Variants in SYT14 observed in about 807,000 individuals in gnomAD.
The protein encoded by SYT14 is synaptotagmin-14.
Under a neutral mutation model 74.2 loss-of-function variants are expected in SYT14, and 32 were observed. The observed-to-expected ratio is 0.43, with a 90% CI of 0.33 to 0.58. The LOEUF is 0.58. Among genes scored for constraint, SYT14 ranks in the 20% least tolerant of loss-of-function variants. SYT14 has a pLI of 0.05. For synonymous variants in SYT14, 298 were observed against 337.7 expected, an observed-to-expected ratio of 0.88 and a Z score of 1.29; for missense variants, 791 against 981.8, an observed-to-expected ratio of 0.81 and a Z score of 2.60.
At chr1:210,078,998 GC>G (rs1420461829) in intron 5 of SYT14, among the ~76,000 whole-genome samples, 4 of 151,918 alleles carry the variant, frequency 2.6e-5, no homozygotes, top group Non-Finnish European at 5.9e-5. Context: ...CAAGCGATCA[GC>G]CCGTCCTGGC....
chr1:209,957,271 A>G (rs752997443), intron 2 of SYT14, among the ~76,000 whole-genome samples: 2 of 151,796 alleles, frequency 1.3e-5, no homozygotes, highest in Non-Finnish European at 2.9e-5. Flanking sequence ...TCCTTTGTTT[A>G]CACCAAAGCC....
chr1:210,079,894 C>T (rs1333507878), intron 5 of SYT14, among the ~76,000 whole-genome samples: 2 of 152,190 alleles, frequency 1.3e-5, no homozygotes. Flanking sequence ...TTTGGACAAT[C>T]TTCCTTTCAA....
At chr1:210,029,790 T>C (rs896845308) in intron 5 of SYT14, among the ~76,000 whole-genome samples, 1 of 152,186 alleles carries the variant, frequency 6.6e-6, no homozygotes, top group Non-Finnish European at 1.5e-5. Context: ...AGAAATGTCA[T>C]TGGAATTTTG....
At chr1:210,165,152 G>A (rs1471101401) in exon 10 of SYT14, 1 of 152,114 alleles carries the variant, frequency 6.6e-6, no homozygotes, top group Non-Finnish European at 1.5e-5. Flanking sequence ...TAAGTAAGTA[G>A]TAGAACTGGG....
intron 2 of SYT14, among the ~76,000 whole-genome samples, chr1:209,998,532 A>G (rs936928629): frequency 7.2e-5 from 11 of 152,152 alleles, no homozygotes; most frequent in Non-Finnish European, 1.3e-4. Flanking sequence ...TGGAAGCAGC[A>G]TACTATCTGA....
intron 2 of SYT14, among the ~76,000 whole-genome samples, chr1:209,995,117 T>C (rs1268766710): frequency 3.3e-5 from 5 of 152,148 alleles, no homozygotes; most frequent in Non-Finnish European, 4.4e-5. Context: ...AACAAGATGA[T>C]GACAAGATGA....
chr1:210,118,044 CTATTT>C, intron 7 of SYT14, among the ~76,000 whole-genome samples: 1 of 152,222 alleles, frequency 6.6e-6, no homozygotes, highest in South Asian at 2.1e-4. Flanking sequence ...CTTTGCTGCT[CTATTT>C]TATTTTAAGC....
intron 7 of SYT14, among the ~76,000 whole-genome samples, chr1:210,131,129 C>T (rs1558210393): frequency 6.6e-6 from 1 of 152,142 alleles, no homozygotes; most frequent in Non-Finnish European, 1.5e-5. Flanking sequence ...AAGTGGTTAG[C>T]ACAGTTCCTG....
intron 5 of SYT14, among the ~76,000 whole-genome samples, chr1:210,032,447 A>G (rs2080560343): frequency 6.6e-6 from 1 of 152,030 alleles, no homozygotes; most frequent in African/African-American, 2.4e-5. Flanking sequence ...CTCTCTTGCC[A>G]GTAGAAAGAT....
rs563988175 is a variant in SYT14 at position 210,018,062 on chromosome 1, G to A, written c.1096+963G>A. Among the ~76,000 whole-genome samples the A allele has an allele frequency of 2.0e-5, 3 of 152,334 alleles. No individual in the cohort carries two copies. In the South Asian group the frequency reaches 6.2e-4, roughly 32 times the overall value. On this transcript the variant is annotated intron_variant, in intron 4 of 9. Coordinates refer to ENST00000637265, the Ensembl canonical transcript of SYT14. ...AGTGATATAGGAGAGGCTAATCCAG[G>A]ATGGATGAACTAACTTAAAAGAAAT...
chr1:210,089,782 G>C (rs1465868870), intron 5 of SYT14, among the ~76,000 whole-genome samples: 3 of 152,140 alleles, frequency 2.0e-5, no homozygotes, highest in Non-Finnish European at 2.9e-5. Flanking sequence ...TTTGAACAAA[G>C]AATTGGACAA....
intron 7 of SYT14, among the ~76,000 whole-genome samples, chr1:210,116,694 A>G (rs1357774929): frequency 6.6e-6 from 1 of 152,168 alleles, no homozygotes; most frequent in Non-Finnish European, 1.5e-5. Flanking sequence ...CACTTGGAGA[A>G]GAGAGACTGT....
At chr1:210,140,772 T>G (rs2082898396) in intron 7 of SYT14, among the ~76,000 whole-genome samples, 1 of 152,168 alleles carries the variant, frequency 6.6e-6, no homozygotes, top group Non-Finnish European at 1.5e-5. Flanking sequence ...TTTCATTTAT[T>G]TGTGTTGGCA....
chr1:210,120,365 G>GTTTT (rs371047537), intron 7 of SYT14, among the ~76,000 whole-genome samples: 3 of 131,706 alleles, frequency 2.3e-5, no homozygotes, highest in African/African-American at 6.2e-5. Flanking sequence ...TGTTTTTGCT[G>GTTTT]TTTTTTTTTT....
intron 5 of SYT14, among the ~76,000 whole-genome samples, chr1:210,066,676 G>C (rs2081302047): frequency 6.6e-6 from 1 of 152,072 alleles, no homozygotes; most frequent in African/African-American, 2.4e-5. Flanking sequence ...TCTGTAGGTT[G>C]CCTGTTCACT....
chr1:210,056,449 C>T (rs922584216), intron 5 of SYT14, among the ~76,000 whole-genome samples: 9 of 151,954 alleles, frequency 5.9e-5, no homozygotes, highest in African/African-American at 1.9e-4. Context: ...AGGCAGAGCT[C>T]GAGCTCCTTA....
At chr1:210,021,132 A>T (rs766168343) in exon 5 of SYT14, 2 of 1,614,078 alleles carry the variant, frequency 1.2e-6, no homozygotes, top group Admixed American at 1.7e-5. Flanking sequence ...TCCAGAACAC[A>T]CAATTCCAGA....
At chr1:210,078,077 G>T (rs536887271) in intron 5 of SYT14, among the ~76,000 whole-genome samples, 12 of 152,066 alleles carry the variant, frequency 7.9e-5, no homozygotes, top group African/African-American at 2.9e-4. Flanking sequence ...TTGGGAGGCC[G>T]AGGCGGGCGG....
At chr1:210,067,921 A>C (rs2081326659) in intron 5 of SYT14, among the ~76,000 whole-genome samples, 1 of 151,886 alleles carries the variant, frequency 6.6e-6, no homozygotes, top group Admixed American at 6.6e-5. Flanking sequence ...CTTGTTCAAC[A>C]ATCTTGTTCA....
Sources: allele counts gnomAD v4.1 joint callset (sites outside exome capture counted in the v4.1 genomes callset), GRCh38; gene constraint gnomAD v4.1.1; transcripts MANE v1.5; gene names NCBI Gene and HGNC (gene_info 2026-07-23, HGNC 2026-07-21).